The following SMARCC1 variants were observed in gnomAD, a reference collection of about 807,000 sequenced individuals.
SMARCC1 encodes the protein SWI/SNF related BAF chromatin remodeling complex subunit C1.
SMARCC1 carries 43 observed loss-of-function variants against 147.4 expected under a neutral mutation model. The ratio of observed to expected loss-of-function variants is 0.29; its 90% CI spans 0.23 to 0.38. SMARCC1 has a LOEUF of 0.38. Among genes scored for constraint, SMARCC1 ranks in the 10% least tolerant of loss-of-function variants. The pLI, the probability that SMARCC1 is intolerant of heterozygous loss-of-function variation, is 1.00. For synonymous variants in SMARCC1, 495 were observed against 484.4 expected (o/e 1.02, Z -0.29); for missense variants, 1,119 against 1,381.1 (o/e 0.81, Z 3.01).
intron 17 of SMARCC1, 113 bp from the exon 18 acceptor site, chr3:47,675,701 A>G (rs1014769011): frequency 8.7e-6 from 5 of 576,596 alleles, no homozygotes; most frequent in Admixed American, 5.4e-5. Flanking sequence ...TAATCCCAGC[A>G]CTTTGGGAGG....
At chr3:47,604,080 G>T (rs536396776) in intron 26 of SMARCC1, 42 of 456,650 alleles carry the variant, frequency 9.2e-5, no homozygotes, top group African/African-American at 8.2e-4. Flanking sequence ...CAGAGGTATC[G>T]GTACAAACTA....
chr3:47,768,760 A>G (rs1358746537), intron 2 of SMARCC1, among the ~76,000 whole-genome samples: 1 of 152,232 alleles, frequency 6.6e-6, no homozygotes, highest in Non-Finnish European at 1.5e-5. Flanking sequence ...CACACATAAA[A>G]TACATAACAC....
chr3:47,728,363 C>G (rs1390740400), intron 6 of SMARCC1, among the ~76,000 whole-genome samples: 2 of 152,094 alleles, frequency 1.3e-5, no homozygotes, highest in African/African-American at 4.8e-5. Flanking sequence ...GCTGGGATTA[C>G]AGGCGTGAGA....
At chr3:47,656,882 T>C (rs1040141619) in intron 21 of SMARCC1, among the ~76,000 whole-genome samples, 1 of 152,116 alleles carries the variant, frequency 6.6e-6, no homozygotes, top group Non-Finnish European at 1.5e-5. Flanking sequence ...AGCATGCCAC[T>C]AAACTCTAGC....
chr3:47,645,587 AT>A (rs1458791485), intron 21 of SMARCC1, among the ~76,000 whole-genome samples: 1 of 152,170 alleles, frequency 6.6e-6, no homozygotes, highest in Non-Finnish European at 1.5e-5. Context: ...TACTTTTAAA[AT>A]TTCTTTCTAA....
chr3:47,733,957 A>G (rs1332389650), intron 5 of SMARCC1, among the ~76,000 whole-genome samples: 1 of 151,880 alleles, frequency 6.6e-6, no homozygotes, highest in African/African-American at 2.4e-5. Flanking sequence ...ATACATGTAT[A>G]CACATATATG....
At chr3:47,601,380 C>T (rs1192943451) in intron 26 of SMARCC1, among the ~76,000 whole-genome samples, 1 of 152,120 alleles carries the variant, frequency 6.6e-6, no homozygotes, top group Non-Finnish European at 1.5e-5. Flanking sequence ...GTCTTGAGCA[C>T]ATTTCATCAA....
At chr3:47,697,249 A>G (rs1222684717) in intron 11 of SMARCC1, among the ~76,000 whole-genome samples, 1 of 151,808 alleles carries the variant, frequency 6.6e-6, no homozygotes, top group Non-Finnish European at 1.5e-5. Context: ...AGTGAGCAGC[A>G]AGACGTGACT....
chr3:47,696,235 G>T (rs546697040), intron 11 of SMARCC1, among the ~76,000 whole-genome samples: 3 of 151,298 alleles, frequency 2.0e-5, no homozygotes, highest in Non-Finnish European at 4.4e-5. Context: ...TTAGCCAGGC[G>T]TGGTGGCGGG....
chr3:47,642,735 T>C (rs886797271), intron 21 of SMARCC1, among the ~76,000 whole-genome samples: 1 of 152,028 alleles, frequency 6.6e-6, no homozygotes, highest in Non-Finnish European at 1.5e-5. Flanking sequence ...ATAGTACATA[T>C]GCTTTGGGAA....
chr3:47,741,962 G>A (rs963397880), intron 3 of SMARCC1, among the ~76,000 whole-genome samples: 1 of 150,788 alleles, frequency 6.6e-6, no homozygotes, highest in African/African-American at 2.4e-5. Context: ...ATTATAGCTT[G>A]CTGTCATCAT....
intron 17 of SMARCC1, among the ~76,000 whole-genome samples, chr3:47,676,242 T>C (rs1354486258): frequency 6.6e-6 from 1 of 152,210 alleles, no homozygotes; most frequent in African/African-American, 2.4e-5. Flanking sequence ...TTTACAAATC[T>C]TAGGACAAGT....
chr3:47,590,736 T>C lies in SMARCC1; in HGVS notation c.3145A>G (p.Thr1049Ala). The C allele has an allele frequency of 6.3e-7, 1 of 1,598,140 alleles. No homozygotes were observed. The highest frequency in any genetic ancestry group is 2.3e-5 in the East Asian group (1 of 43,576). The change falls in exon 27 of 28, where the codon ACC (threonine) becomes GCC (alanine). Residue 1049 changes from threonine (T) to alanine (A), a missense_variant. Around this residue, in one of 6 missense-constraint regions of SMARCC1, gnomAD observed 186 missense variants for 216.5 expected, o/e 0.86. Transcript: ENST00000254480. ...GGCATTGGTGGCATGCCAGGAGGGG[T>C]AGGGCCACTCCCAGAGGGGTGGATG... ...ANIHPSGSGP[T>A]PPGMPPMPGN...
intron 21 of SMARCC1, among the ~76,000 whole-genome samples, chr3:47,644,525 T>C (rs2033093370): frequency 6.6e-6 from 1 of 152,164 alleles, no homozygotes; most frequent in Non-Finnish European, 1.5e-5. Flanking sequence ...TTTGTTTGTT[T>C]GAGCTGGAGT....
chr3:47,656,492 GA>G (rs1180060294), intron 21 of SMARCC1, among the ~76,000 whole-genome samples: 1 of 152,212 alleles, frequency 6.6e-6, no homozygotes, highest in Non-Finnish European at 1.5e-5. Flanking sequence ...ATGAAGGGTA[GA>G]AAGAAAGGTA....
intron 1 of SMARCC1, among the ~76,000 whole-genome samples, chr3:47,773,755 T>C (rs2034942392): frequency 6.6e-6 from 1 of 151,832 alleles, no homozygotes; most frequent in African/African-American, 2.4e-5. Context: ...TCAGCCTCCC[T>C]AGCAGCTGGG....
intron 10 of SMARCC1, among the ~76,000 whole-genome samples, chr3:47,704,609 T>C (rs1477704861): frequency 6.6e-6 from 1 of 152,056 alleles, no homozygotes; most frequent in Non-Finnish European, 1.5e-5. Flanking sequence ...GCAACAACAA[T>C]ATTCAGATTA....
Position 47,749,670 on chromosome 3 carries a change from A to ACACACACACACACACACACACAC in SMARCC1, c.316-3678_316-3677insGTGTGTGTGTGTGTGTGTGTGTG, listed in dbSNP as rs138400474. On this transcript the variant is annotated intron_variant, in intron 2 of 27. Coordinates refer to ENST00000254480, the MANE Select transcript of SMARCC1 (RefSeq NM_003074.4). ...TGACAAAGTGAGACCCTCTAAATTA[A>ACACACACACACACACACACACAC]ACACACACACACACACACACAAAGT... Among the ~76,000 whole-genome samples, 4 of 92,414 alleles carry ACACACACACACACACACACACAC rather than the reference A, an allele frequency of 4.3e-5. 1 individual carries two copies. The highest frequency in any genetic ancestry group is 7.2e-5 in the Non-Finnish European group (3 of 41,686). 60.6% of individuals were successfully genotyped at this position (92,414 alleles called of 152,430 possible).
In SMARCC1 at chr3:47,661,443, C is replaced by T. The variant is rs746452222; in HGVS notation, c.2171G>A (p.Arg724Gln). ...TTCCAGTGGTACCTCCTCCCGGACC[C>T]GAGAAAACTCCTCTGGTTCAAGAAT... ...AAKAALEEFS[R>Q]VREEVPLELV... Residue 724 changes from arginine to glutamine, a missense_variant, in exon 21 of 28, where the codon CGG becomes CAG. Around this residue, in one of 6 missense-constraint regions of SMARCC1, gnomAD observed 178 missense variants for 264.6 expected, o/e 0.67. Coordinates refer to ENST00000254480, the MANE Select transcript of SMARCC1 (RefSeq NM_003074.4). 9.4e-6 allele frequency: 15 copies of T among 1,600,564 alleles called. No individual in the cohort carries two copies. The African/African-American group carries it at 9.4e-5, about 10-fold the overall frequency.
Sources: allele counts gnomAD v4.1 joint callset (sites outside exome capture counted in the v4.1 genomes callset), GRCh38; gene constraint gnomAD v4.1.1; regional missense constraint gnomAD v4.1.1; transcripts MANE v1.5; gene names NCBI Gene and HGNC (gene_info 2026-07-23, HGNC 2026-07-21).